The following HS6ST2 variants were observed in gnomAD, a reference collection of about 807,000 sequenced individuals.
HS6ST2 encodes heparan sulfate 6-O-sulfotransferase 2.
HS6ST2 carries 17 observed loss-of-function variants against 33.0 expected under a neutral mutation model. The observed-to-expected ratio is 0.52, with a 90% CI of 0.35 to 0.77. The LOEUF (loss-of-function observed/expected upper bound fraction) is 0.77, where lower values mean the gene tolerates loss of function less well. Among genes scored for constraint, HS6ST2 ranks in the 30% least tolerant of loss-of-function variants. The pLI, the probability that HS6ST2 is intolerant of heterozygous loss-of-function variation, is 0.01. For synonymous variants in HS6ST2, 248 were observed against 237.1 expected (o/e 1.05, Z -0.42); for missense variants, 519 against 551.7 (o/e 0.94, Z 0.59).
At chrX:132,900,832 G>A (rs2066419777) in intron 2 of HS6ST2, among the ~76,000 whole-genome samples, 1 of 110,887 alleles carries the variant, frequency 9.0e-6, no homozygotes, top group Non-Finnish European at 1.9e-5. Context: ...CCTTTGAATG[G>A]GTGATGGATA....
At chrX:132,896,615 G>A (rs2066378886) in intron 2 of HS6ST2, among the ~76,000 whole-genome samples, 1 of 111,747 alleles carries the variant, frequency 8.9e-6, no homozygotes, top group Non-Finnish European at 1.9e-5. Context: ...AAATGCTTGA[G>A]GGGATGGATA....
At chrX:132,748,570 G>A (rs1440256962) in intron 2 of HS6ST2, among the ~76,000 whole-genome samples, 2 of 111,269 alleles carry the variant, frequency 1.8e-5, no homozygotes, top group Non-Finnish European at 3.8e-5. Flanking sequence ...GAGTCCTAAC[G>A]CTTGGATCAT....
At chrX:132,683,459 C>T (rs1470666838) in intron 3 of HS6ST2, among the ~76,000 whole-genome samples, 5 of 111,921 alleles carry the variant, frequency 4.5e-5, no homozygotes, top group Non-Finnish European at 5.6e-5. Flanking sequence ...GTGATGGTCA[C>T]AAACTGAAAG....
chrX:132,735,067 A>C (rs2064495990), intron 2 of HS6ST2: 1 of 112,110 alleles, frequency 8.9e-6, no homozygotes, highest in Non-Finnish European at 1.9e-5. Context: ...ATAAATAAAA[A>C]GGCAGTTTCA....
At chrX:132,832,731 C>T (rs1463700712) in intron 2 of HS6ST2, among the ~76,000 whole-genome samples, 1 of 111,744 alleles carries the variant, frequency 8.9e-6, no homozygotes, top group African/African-American at 3.2e-5. Context: ...AACTTATATA[C>T]ACTGTTAGCC....
At chrX:132,699,365 A>G (rs997951033) in intron 3 of HS6ST2, among the ~76,000 whole-genome samples, 2 of 111,867 alleles carry the variant, frequency 1.8e-5, no homozygotes, top group African/African-American at 6.5e-5. Context: ...TTTTGATAGC[A>G]TTGTAAAGGA....
At chrX:132,649,382 A>G (rs896013333) in intron 4 of HS6ST2, among the ~76,000 whole-genome samples, 13 of 112,283 alleles carry the variant, frequency 1.2e-4, no homozygotes, top group African/African-American at 3.2e-4. Flanking sequence ...ACCCTTGCCC[A>G]AAAGCCCCCT....
At chrX:132,878,567 C>T (rs1460944721) in intron 2 of HS6ST2, among the ~76,000 whole-genome samples, 1 of 112,399 alleles carries the variant, frequency 8.9e-6, no homozygotes, top group African/African-American at 3.2e-5. Flanking sequence ...TTCTATGCTA[C>T]ACAGAGTGTA....
intron 2 of HS6ST2, among the ~76,000 whole-genome samples, chrX:132,765,997 G>T (rs2064845410): frequency 8.9e-6 from 1 of 111,797 alleles, no homozygotes; most frequent in Admixed American, 9.5e-5. Flanking sequence ...AAAGGTGTGG[G>T]CTGCATATAC....
intron 2 of HS6ST2, among the ~76,000 whole-genome samples, chrX:132,881,227 G>A (rs1307689469): frequency 9.1e-6 from 1 of 110,405 alleles, no homozygotes; most frequent in Non-Finnish European, 1.9e-5. Flanking sequence ...GGTTGAACTA[G>A]TTTACAGTCC....
chrX:132,703,097 A>C (rs2064158417), intron 3 of HS6ST2, among the ~76,000 whole-genome samples: 1 of 112,400 alleles, frequency 8.9e-6, no homozygotes, highest in Non-Finnish European at 1.9e-5. Flanking sequence ...GCCAATGTGC[A>C]CATCATTATA....
In HS6ST2 at chrX:132,956,985, T is replaced by A; in HGVS notation, c.770A>T (p.Glu257Val). The A allele has an allele frequency of 8.3e-7, 1 of 1,211,266 alleles. No individual in the cohort carries two copies. Among genetic ancestry groups the A allele is most frequent in the Admixed American group, 2.2e-5 (1 of 46,109 alleles). ...GCATTTCTTCTGACCCACGCGGCAC[T>A]CGCACGGCTGCTCCAGCTGGATGTT... ...VRNIQLEQPC[E>V]CRVGQKKCTC... is the part of the protein sequence containing the mutation. Residue 257 changes from glutamate (E) to valine (V), a missense_variant, in exon 2 of 5, where the codon GAG (glutamate) becomes GTG (valine). Coordinates refer to ENST00000370833, the MANE Select transcript of HS6ST2 (RefSeq NM_001394073.1).
At chrX:132,773,351 T>C (rs2064926515) in intron 2 of HS6ST2, among the ~76,000 whole-genome samples, 1 of 108,573 alleles carries the variant, frequency 9.2e-6, no homozygotes, top group East Asian at 2.8e-4. Flanking sequence ...TGTGGAGAAA[T>C]TGGAACCCTC....
chrX:132,862,988 TG>T (rs2065927546), intron 2 of HS6ST2, among the ~76,000 whole-genome samples: 1 of 112,081 alleles, frequency 8.9e-6, no homozygotes. Context: ...CTGATCAAGG[TG>T]AACAAGCAGG....
At chrX:132,815,638 C>T (rs2065387052) in intron 2 of HS6ST2, among the ~76,000 whole-genome samples, 2 of 111,826 alleles carry the variant, frequency 1.8e-5, no homozygotes, top group South Asian at 7.5e-4. Context: ...TGTCTTTGGG[C>T]CTCAGTTTCC....
intron 2 of HS6ST2, among the ~76,000 whole-genome samples, chrX:132,944,949 G>T (rs1424051588): frequency 8.9e-6 from 1 of 111,757 alleles, no homozygotes. Flanking sequence ...CATGGGCAAG[G>T]ACTTCATGTC....
intron 2 of HS6ST2, among the ~76,000 whole-genome samples, chrX:132,810,030 C>T (rs752982905): frequency 9.0e-6 from 1 of 111,373 alleles, no homozygotes; most frequent in Non-Finnish European, 1.9e-5. Context: ...GTTTTCTGAA[C>T]GTTCAATGAT....
intron 2 of HS6ST2, among the ~76,000 whole-genome samples, chrX:132,744,311 A>G (rs1168283894): frequency 8.9e-6 from 1 of 111,780 alleles, no homozygotes; most frequent in Admixed American, 9.5e-5. Flanking sequence ...GAGAAGCTTT[A>G]GAGTCACTAC....
At chrX:132,639,541 G>A (rs1307807278) in intron 4 of HS6ST2, among the ~76,000 whole-genome samples, 2 of 111,643 alleles carry the variant, frequency 1.8e-5, no homozygotes, top group Admixed American at 1.9e-4. Flanking sequence ...GTCACATGGA[G>A]ACCAGATCTG....
Sources: gnomAD v4.1 joint callset for allele counts (sites outside exome capture counted in the v4.1 genomes callset) on GRCh38, gnomAD v4.1.1 for gene constraint, MANE v1.5 for transcripts, NCBI Gene and HGNC (gene_info 2026-07-23, HGNC 2026-07-21) for gene names.